Variants in SERINC5 observed in about 807,000 individuals in gnomAD.
The protein encoded by SERINC5 is serine incorporator 5, also known as chromosome 5 open reading frame 12.
In SERINC5, 41 loss-of-function variants were observed where a neutral mutation model predicts 63.1. That is an observed-to-expected ratio of 0.65 (90% CI 0.51 to 0.84). The LOEUF is 0.84. SERINC5 is among the 40% of genes least tolerant of loss of function. The probability of loss-of-function intolerance (pLI) is 0.00; values close to 1 mark genes in which losing one functional copy is unlikely to be tolerated. For synonymous variants in SERINC5, 222 were observed against 215.2 expected (o/e 1.03, Z -0.28); for missense variants, 523 against 573.0 (o/e 0.91, Z 0.89).
At chr5:80,203,189 T>G (rs1227138651) in intron 1 of SERINC5, 136 bp from the exon 2 acceptor site, 8 of 816,214 alleles carry the variant, frequency 9.8e-6, no homozygotes, top group African/African-American at 1.7e-5. Context: ...TAGGATCGCT[T>G]GAGACCAGAG....
intron 1 of SERINC5, among the ~76,000 whole-genome samples, chr5:80,233,153 C>A (rs543459931): frequency 6.6e-6 from 1 of 152,106 alleles, no homozygotes; most frequent in African/African-American, 2.4e-5. Context: ...AGGCCGGGTG[C>A]AGTGGCTCAC....
chr5:80,135,858 T>C (rs1328755128), downstream of SERINC5, among the ~76,000 whole-genome samples: 1 of 147,184 alleles, frequency 6.8e-6, no homozygotes, highest in East Asian at 2.0e-4. Context: ...AGACTATCAG[T>C]ATCTATGTGG....
At chr5:80,126,015 T>C (rs1325105219) in intron 11 of SERINC5, among the ~76,000 whole-genome samples, 1 of 152,174 alleles carries the variant, frequency 6.6e-6, no homozygotes, top group Non-Finnish European at 1.5e-5. Flanking sequence ...GAGGAGCTCA[T>C]GAGTCATCCA....
downstream of SERINC5, among the ~76,000 whole-genome samples, chr5:80,137,529 C>T (rs1745256239): frequency 6.6e-6 from 1 of 151,324 alleles, no homozygotes; most frequent in Non-Finnish European, 1.5e-5. Context: ...GTCCCAGCTG[C>T]TACTCGGGAG....
intron 1 of SERINC5, among the ~76,000 whole-genome samples, chr5:80,206,116 A>G (rs1750151172): frequency 6.6e-6 from 1 of 152,172 alleles, no homozygotes; most frequent in East Asian, 1.9e-4. Context: ...GGGCAATGCT[A>G]CAAGAAATTA....
At chr5:80,253,317 T>G (rs1752511041) in intron 1 of SERINC5, among the ~76,000 whole-genome samples, 1 of 152,228 alleles carries the variant, frequency 6.6e-6, no homozygotes, top group African/African-American at 2.4e-5. Context: ...AAAGGATTTT[T>G]GTTCACTGCC....
chr5:80,145,046 T>TAA (rs1333843299), intron 11 of SERINC5, among the ~76,000 whole-genome samples: 1 of 149,024 alleles, frequency 6.7e-6, no homozygotes, highest in African/African-American at 2.5e-5. Context: ...ACATTTATGT[T>TAA]AAAAAAAAAA....
intron 1 of SERINC5, among the ~76,000 whole-genome samples, chr5:80,214,634 T>C (rs1321004324): frequency 6.6e-6 from 1 of 151,994 alleles, no homozygotes; most frequent in African/African-American, 2.4e-5. Flanking sequence ...CAGTGGCTCA[T>C]GCCTGTAATC....
At position 80,215,911 on chromosome 5, in the gene SERINC5, G is replaced by A. The variant is rs564156997; in HGVS notation, c.28-12858C>T. Among the ~76,000 whole-genome samples, 22 of 152,266 alleles carry A rather than the reference G, an allele frequency of 1.4e-4. No homozygotes were observed. In the East Asian group the frequency reaches 3.3e-3, roughly 23 times the overall value. ...CCCTTTTTTGGAGTCTCTTTCTCAG[G>A]AGGTTAGGGCTACTTTCAGCACCAG... On this transcript the variant is annotated intron_variant, in intron 1 of 11. Transcript: ENST00000507668.
intron 8 of SERINC5, among the ~76,000 whole-genome samples, chr5:80,156,245 G>A (rs1246922605): frequency 6.6e-6 from 1 of 152,268 alleles, no homozygotes; most frequent in East Asian, 1.9e-4. Flanking sequence ...CACGGACGAT[G>A]TGGCCTTTTT....
intron 1 of SERINC5, among the ~76,000 whole-genome samples, chr5:80,212,313 T>G (rs944170803): frequency 3.9e-5 from 6 of 152,196 alleles, no homozygotes; most frequent in Non-Finnish European, 8.8e-5. Context: ...ACCAAGGTAA[T>G]AGAAGACATC....
rs747526882 is a variant in SERINC5 at position 80,146,153 on chromosome 5, T to G, written c.1175A>C (p.Tyr392Ser). ...AGCTAGGAAGAACACGAAGTGGAAG[T>G]AGGAGTAGATGTAGACGGTGCCTTT... ...EKKGTVYIYS[Y>S]FHFVFFLASL... The change falls in exon 11 of 12, where the codon TAC (tyrosine) becomes TCC (serine). Residue 392 changes from tyrosine (Y) to serine (S), a missense_variant. Tyr to Ser is a moderately radical substitution (Grantham distance 144). Transcript: ENST00000507668. 4 of 1,614,020 alleles carry G rather than the reference T, an allele frequency of 2.5e-6. No homozygotes were observed. Among genetic ancestry groups the G allele is most frequent in the East Asian group, 4.5e-5 (2 of 44,886 alleles).
At chr5:80,136,333 C>A (rs1050177178), downstream of SERINC5, among the ~76,000 whole-genome samples, 1 of 152,032 alleles carries the variant, frequency 6.6e-6, no homozygotes, top group South Asian at 2.1e-4. Flanking sequence ...CAGGGTGTCA[C>A]CAGCATAAGG....
At chr5:80,170,582 C>T (rs575281865) in intron 5 of SERINC5, among the ~76,000 whole-genome samples, 1 of 152,256 alleles carries the variant, frequency 6.6e-6, no homozygotes, top group Admixed American at 6.5e-5. Context: ...CTTTAGCTAC[C>T]TACAGACTTT....
At chr5:80,213,552 C>T (rs558469098) in intron 1 of SERINC5, among the ~76,000 whole-genome samples, 27 of 152,296 alleles carry the variant, frequency 1.8e-4, no homozygotes, top group African/African-American at 4.3e-4. Flanking sequence ...CTTCAAACCT[C>T]GGTTTCCTAC....
chr5:80,207,310 T>C (rs1053502670), intron 1 of SERINC5, among the ~76,000 whole-genome samples: 19 of 152,220 alleles, frequency 1.2e-4, no homozygotes, highest in African/African-American at 4.6e-4. Context: ...CCTCTCACTG[T>C]ATTTCAAGTT....
chr5:80,112,979 T>A (rs1744180658), intron 12 of SERINC5, among the ~76,000 whole-genome samples: 1 of 152,114 alleles, frequency 6.6e-6, no homozygotes, highest in African/African-American at 2.4e-5. Flanking sequence ...TAGTATGATT[T>A]TTTTAATAGC....
chr5:80,177,131 A>G (rs1303539447), intron 4 of SERINC5, among the ~76,000 whole-genome samples, 184 bp downstream of exon 4: 2 of 152,146 alleles, frequency 1.3e-5, no homozygotes, highest in Admixed American at 6.5e-5. Context: ...TGCGGTGGTG[A>G]GAAGAGGGGA....
intron 11 of SERINC5, among the ~76,000 whole-genome samples, chr5:80,126,257 C>T (rs946086873): frequency 6.6e-6 from 1 of 152,168 alleles, no homozygotes; most frequent in African/African-American, 2.4e-5. Flanking sequence ...AGGAAGGCCA[C>T]TATAAAACCA....
Sources: allele counts gnomAD v4.1 joint callset (sites outside exome capture counted in the v4.1 genomes callset), GRCh38; gene constraint gnomAD v4.1.1; transcripts MANE v1.5; gene names NCBI Gene and HGNC (gene_info 2026-07-23, HGNC 2026-07-21).